LINGO2: variants seen among roughly 807,000 people sequenced by gnomAD.
LINGO2 encodes leucine-rich repeat and immunoglobulin-like domain-containing nogo receptor-interacting protein 2.
In LINGO2, 14 loss-of-function variants were observed where a neutral mutation model predicts 30.6. The ratio of observed to expected loss-of-function variants is 0.46; its 90% confidence interval spans 0.30 to 0.72. The LOEUF is 0.72. LINGO2 is among the 30% of genes least tolerant of loss of function. The pLI is 0.07. For missense variants in LINGO2, 729 were observed against 751.7 expected, an observed-to-expected ratio of 0.97 and a Z score of 0.35; for synonymous variants, 317 against 288.5, an observed-to-expected ratio of 1.10 and a Z score of -1.00.
chr9:28,353,999 G>C (rs1407673653), intron 3 of LINGO2, among the ~76,000 whole-genome samples: 1 of 152,130 alleles, frequency 6.6e-6, no homozygotes, highest in African/African-American at 2.4e-5. Context: ...TCTGGGGCCT[G>C]TTGTGGGGTG....
intron 3 of LINGO2, among the ~76,000 whole-genome samples, chr9:28,335,415 C>T (rs1160357217): frequency 6.6e-6 from 1 of 152,156 alleles, no homozygotes; most frequent in Non-Finnish European, 1.5e-5. Context: ...TCATCTGTTA[C>T]ATGTGAAAAA....
chr9:29,047,053 C>CAAAA, the LINGO2 span, among the ~76,000 whole-genome samples: 1 of 138,532 alleles, frequency 7.2e-6, no homozygotes, highest in Non-Finnish European at 1.6e-5. Flanking sequence ...AAAAAAAAAC[C>CAAAA]AAAAACAAAC....
chr9:28,582,800 C>T (rs1281289272), intron 1 of LINGO2, among the ~76,000 whole-genome samples: 1 of 152,070 alleles, frequency 6.6e-6, no homozygotes, highest in Non-Finnish European at 1.5e-5. Flanking sequence ...ATTATTATTA[C>T]TTCAAACATT....
chr9:27,948,983 AAGG>A, exon 6 of LINGO2: 1 of 1,614,130 alleles, frequency 6.2e-7, no homozygotes, highest in Non-Finnish European at 8.5e-7. Context: ...TCCACACAAA[AAGG>A]AGAAGAAAAC....
chr9:28,428,262 G>A (rs575273756), intron 2 of LINGO2, among the ~76,000 whole-genome samples: 23 of 152,140 alleles, frequency 1.5e-4, no homozygotes, highest in African/African-American at 5.3e-4. Flanking sequence ...CAGGAACAAG[G>A]GTTTCTGATA....
At chr9:29,052,070 G>A in the LINGO2 span, among the ~76,000 whole-genome samples, 3 of 151,970 alleles carry the variant, frequency 2.0e-5, no homozygotes, top group African/African-American at 7.2e-5. Context: ...AATTTCCTAT[G>A]GTTCAACTTA....
chr9:28,736,797 A>C, the LINGO2 span, among the ~76,000 whole-genome samples: 1 of 152,254 alleles, frequency 6.6e-6, no homozygotes, highest in East Asian at 1.9e-4. Flanking sequence ...TCACAAAATA[A>C]ATACATACAT....
At chr9:28,062,714 A>G (rs1024609187) in intron 4 of LINGO2, among the ~76,000 whole-genome samples, 1 of 115,056 alleles carries the variant, frequency 8.7e-6, no homozygotes, top group Non-Finnish European at 1.9e-5. Flanking sequence ...AAATTTCTAA[A>G]TGTACTTTTT....
intron 4 of LINGO2, among the ~76,000 whole-genome samples, chr9:28,155,017 A>T (rs1587100045): frequency 2.6e-5 from 4 of 152,332 alleles, no homozygotes; most frequent in Admixed American, 2.6e-4. Flanking sequence ...TCTAGTCAGA[A>T]ATTCTTGTTA....
intron 1 of LINGO2, among the ~76,000 whole-genome samples, chr9:28,529,594 A>C (rs764651249): frequency 2.6e-5 from 4 of 151,804 alleles, no homozygotes; most frequent in Middle Eastern, 3.4e-3. Context: ...GACCAGTTGC[A>C]AATTGCAAAT....
At chr9:28,621,017 A>G (rs1384642209) in intron 1 of LINGO2, among the ~76,000 whole-genome samples, 2 of 152,064 alleles carry the variant, frequency 1.3e-5, no homozygotes, top group African/African-American at 4.8e-5. Context: ...AAGTGCAAGA[A>G]ATGTCTAAAA....
At chr9:28,389,186 G>A (rs534978910) in intron 2 of LINGO2, among the ~76,000 whole-genome samples, 1 of 152,090 alleles carries the variant, frequency 6.6e-6, no homozygotes, top group African/African-American at 2.4e-5. Flanking sequence ...AAGTAATTAT[G>A]TTACTCTAAT....
chr9:28,781,775 A>G, the LINGO2 span, among the ~76,000 whole-genome samples: 157 of 152,286 alleles, frequency 1.0e-3, no homozygotes, highest in African/African-American at 3.5e-3. Context: ...AGGAGGAAAA[A>G]AATCCACTTA....
the LINGO2 span, among the ~76,000 whole-genome samples, chr9:28,749,826 C>T: frequency 6.6e-6 from 1 of 151,956 alleles, no homozygotes; most frequent in East Asian, 1.9e-4. Flanking sequence ...AAATAAAGCT[C>T]ACAACCAAAT....
chr9:28,289,315 CA>C (rs1823634471), intron 4 of LINGO2, among the ~76,000 whole-genome samples: 1 of 152,126 alleles, frequency 6.6e-6, no homozygotes, highest in Non-Finnish European at 1.5e-5. Context: ...AATTCACTGT[CA>C]AATCTTTTAT....
chr9:28,894,451 AAT>A, the LINGO2 span, among the ~76,000 whole-genome samples: 1 of 152,030 alleles, frequency 6.6e-6, no homozygotes, highest in Non-Finnish European at 1.5e-5. Context: ...TATATAGTTA[AAT>A]ATGTCAATTA....
chr9:29,040,143 G>A, the LINGO2 span, among the ~76,000 whole-genome samples: 5 of 152,034 alleles, frequency 3.3e-5, no homozygotes, highest in African/African-American at 7.2e-5. Flanking sequence ...TTCAGTTTCC[G>A]TCCTAAGCTG....
chr9:27,954,478 A>C (rs1167299906), intron 5 of LINGO2, among the ~76,000 whole-genome samples: 2 of 152,174 alleles, frequency 1.3e-5, no homozygotes, highest in Non-Finnish European at 2.9e-5. Flanking sequence ...TAATTCACTT[A>C]CTATAATGGC....
the LINGO2 span, among the ~76,000 whole-genome samples, chr9:28,827,576 A>G: frequency 6.6e-6 from 1 of 152,166 alleles, no homozygotes; most frequent in Non-Finnish European, 1.5e-5. Context: ...AATGATACAT[A>G]TTAGTACTTG....
Sources: gnomAD v4.1 joint callset for allele counts (sites outside exome capture counted in the v4.1 genomes callset) on GRCh38, gnomAD v4.1.1 for gene constraint, MANE v1.5 for transcripts, NCBI Gene and HGNC (gene_info 2026-07-23, HGNC 2026-07-21) for gene names.